RGS6: variants seen among roughly 807,000 people sequenced by gnomAD.
RGS6 encodes regulator of G protein signaling 6, also known as regulator of G-protein signaling 6.
Under a neutral mutation model 78.5 loss-of-function variants are expected in RGS6, and 30 were observed. The observed-to-expected ratio is 0.38, with a 90% CI of 0.29 to 0.52. The LOEUF (loss-of-function observed/expected upper bound fraction) is 0.52. RGS6 is among the 20% of genes least tolerant of loss of function. The probability of loss-of-function intolerance (pLI) is 0.85; values close to 1 mark genes in which losing one functional copy is unlikely to be tolerated. For missense variants in RGS6, 495 were observed against 609.7 expected, an observed-to-expected ratio of 0.81 and a Z score of 1.98; for synonymous variants, 206 against 206.0, an observed-to-expected ratio of 1.00 and a Z score of 0.00.
chr14:72,537,631 A>C, intron 16 of RGS6: 1 of 680,198 alleles, frequency 1.5e-6, no homozygotes, highest in Non-Finnish European at 2.7e-6. Flanking sequence ...ACATGGCTCT[A>C]ATGCCCATTT....
At chr14:72,012,191 T>C (rs574878013) in intron 2 of RGS6, among the ~76,000 whole-genome samples, 1 of 152,318 alleles carries the variant, frequency 6.6e-6, no homozygotes, top group South Asian at 2.1e-4. Flanking sequence ...GTTTCTGTTT[T>C]GTAGAGAACA....
chr14:72,129,045 T>G (rs2096261944), intron 2 of RGS6, among the ~76,000 whole-genome samples: 1 of 152,216 alleles, frequency 6.6e-6, no homozygotes, highest in South Asian at 2.1e-4. Context: ...TGCTTTAAAC[T>G]CCTATCGATC....
At chr14:72,244,848 A>G (rs2053819273) in intron 2 of RGS6, among the ~76,000 whole-genome samples, 1 of 151,402 alleles carries the variant, frequency 6.6e-6, no homozygotes, top group Admixed American at 6.6e-5. Flanking sequence ...TTTTGAGACA[A>G]GAGTCTCACT....
chr14:72,390,503 A>G (rs1368840762), intron 3 of RGS6, among the ~76,000 whole-genome samples: 3 of 152,164 alleles, frequency 2.0e-5, no homozygotes, highest in African/African-American at 7.2e-5. Flanking sequence ...TGGGAAGAAG[A>G]AAGAGAACAT....
At chr14:71,875,755 C>T in the RGS6 span, among the ~76,000 whole-genome samples, 2 of 152,200 alleles carry the variant, frequency 1.3e-5, no homozygotes, top group Non-Finnish European at 2.9e-5. Context: ...AATTTTAGAT[C>T]TTTCCTGCTT....
chr14:72,169,224 C>CG (rs2096974145), intron 2 of RGS6, among the ~76,000 whole-genome samples: 1 of 152,076 alleles, frequency 6.6e-6, no homozygotes, highest in Non-Finnish European at 1.5e-5. Flanking sequence ...ATTGATTCTT[C>CG]GGGTGGAGTA....
At chr14:72,129,199 A>G (rs184585328) in intron 2 of RGS6, among the ~76,000 whole-genome samples, 1 of 152,264 alleles carries the variant, frequency 6.6e-6, no homozygotes, top group African/African-American at 2.4e-5. Context: ...AGGGACACTA[A>G]AGAAGGCAAT....
intron 2 of RGS6, among the ~76,000 whole-genome samples, chr14:72,310,962 A>T (rs529457535): frequency 3.0e-4 from 46 of 152,368 alleles, no homozygotes; most frequent in Middle Eastern, 6.8e-3. Context: ...TAAAACAGGT[A>T]TTCATCTTGT....
In RGS6 at chr14:72,289,329, TTCTCTC is replaced by T. The variant is rs3831615; in HGVS notation, c.85-62751_85-62746del. Among the ~76,000 whole-genome samples the T allele has an allele frequency of 5.4e-5, 8 of 147,302 alleles. No homozygotes were observed. In the South Asian group the frequency reaches 1.1e-3, roughly 20 times the overall value. On this transcript the variant is annotated intron_variant, in intron 2 of 17. Coordinates refer to ENST00000553525, the MANE Select transcript of RGS6 (RefSeq NM_001204424.2). Reference sequence around the variant, plus strand: ...ATTCATTCATTCTTATTTTCTTTCTTTCTCTCTCTCTCTCTCTCTCACTCTCTCTCC... The same window carrying T: ...ATTCATTCATTCTTATTTTCTTTCTTTCTCTCTCTCTCTCACTCTCTCTCC...
intron 2 of RGS6, among the ~76,000 whole-genome samples, chr14:72,308,827 T>C: frequency 6.6e-6 from 1 of 152,208 alleles, no homozygotes; most frequent in Non-Finnish European, 1.5e-5. Context: ...AAAAAGCCAG[T>C]TGGAGCCAGA....
chr14:72,202,031 A>C (rs2041690662), intron 2 of RGS6, among the ~76,000 whole-genome samples: 1 of 152,240 alleles, frequency 6.6e-6, no homozygotes. Context: ...GGTACATTTT[A>C]ATAGCAGTTA....
chr14:72,224,699 A>C (rs1343816876), intron 2 of RGS6, among the ~76,000 whole-genome samples: 1 of 152,140 alleles, frequency 6.6e-6, no homozygotes, highest in Non-Finnish European at 1.5e-5. Flanking sequence ...GTGGAACTTG[A>C]TTCCCACAAA....
intron 3 of RGS6, among the ~76,000 whole-genome samples, chr14:72,413,541 T>A (rs1003649774): frequency 4.6e-5 from 7 of 152,246 alleles, no homozygotes; most frequent in Admixed American, 4.6e-4. Context: ...CTGTGTCTTT[T>A]AATTGGAGCA....
chr14:72,193,140 T>C (rs2097349474), intron 2 of RGS6, among the ~76,000 whole-genome samples: 1 of 152,096 alleles, frequency 6.6e-6, no homozygotes, highest in South Asian at 2.1e-4. Flanking sequence ...ACTACAGACA[T>C]GCACCACCAC....
chr14:71,973,368 C>T lies in RGS6; in HGVS notation c.84+8493C>T, dbSNP rs550848499. Among the ~76,000 whole-genome samples, 13 of 141,538 alleles carry T rather than the reference C, an allele frequency of 9.2e-5. No individual in the cohort carries two copies. In the South Asian group the frequency reaches 3.1e-3, roughly 33 times the overall value. 92.9% of individuals were successfully genotyped at this position (141,538 alleles called of 152,430 possible). ...AGCACTTAGGGCTTGTTTTTTTTCA[C>T]TCTTTTTTTTTTTTTAACATTAAAT... On this transcript the variant is annotated intron_variant, in intron 2 of 17. Coordinates refer to ENST00000553525, the MANE Select transcript of RGS6 (RefSeq NM_001204424.2).
At position 72,518,400 on chromosome 14, in the gene RGS6, G is replaced by T. The variant is rs757459611; in HGVS notation, c.1141G>T (p.Ala381Ser). 1.5e-5 allele frequency: 24 copies of T among 1,614,188 alleles called. No homozygotes were observed. The highest frequency in any genetic ancestry group is 6.7e-5 in the East Asian group (3 of 44,882). The change falls in exon 15 of 18, where the codon GCC becomes TCC. Residue 381 changes from alanine to serine, a missense_variant. Ala to Ser is a moderately conservative substitution (Grantham distance 99). Transcript: ENST00000553525. ...DLKKQPLQDVAKRVEEIWQEF... is the reference protein window; with the variant it reads ...DLKKQPLQDVSKRVEEIWQEF... ...TAAGAAACAACCCCTACAGGATGTG[G>T]CCAAGAGGGTAGAAGAAATCTGGCA...
At chr14:72,622,286 C>T in the RGS6 span, among the ~76,000 whole-genome samples, 2 of 152,114 alleles carry the variant, frequency 1.3e-5, no homozygotes, top group Non-Finnish European at 2.9e-5. Context: ...GGTACTCCAA[C>T]TTTACAGGAC....
chr14:72,076,958 AT>A (rs954752286), intron 2 of RGS6, among the ~76,000 whole-genome samples: 8 of 148,638 alleles, frequency 5.4e-5, no homozygotes, highest in Middle Eastern at 3.6e-3. Context: ...AATTTTATAT[AT>A]ATATATATAT....
intron 2 of RGS6, among the ~76,000 whole-genome samples, chr14:72,053,662 A>G (rs527465256): frequency 7.1e-4 from 108 of 152,180 alleles, no homozygotes; most frequent in Non-Finnish European, 7.8e-4. Flanking sequence ...TTCTGTTTTC[A>G]TTTTATGTCA....
Sources: gnomAD v4.1 joint callset for allele counts (sites outside exome capture counted in the v4.1 genomes callset) on GRCh38, gnomAD v4.1.1 for gene constraint, MANE v1.5 for transcripts, NCBI Gene and HGNC (gene_info 2026-07-23, HGNC 2026-07-21) for gene names.